The following FAAH2 variants were observed in gnomAD, a reference collection of about 807,000 sequenced individuals.
The protein encoded by FAAH2 is fatty acid amide hydrolase 2.
Under a neutral mutation model 36.9 loss-of-function variants are expected in FAAH2, and 60 were observed. The ratio of observed to expected loss-of-function variants is 1.63; its 90% confidence interval spans 1.32 to 2.02. The LOEUF is 2.02. Ranked by LOEUF, FAAH2 falls within the 30% of genes most tolerant of loss-of-function variation. The pLI, the probability that FAAH2 is intolerant of heterozygous loss-of-function variation, is 0.00. For missense variants in FAAH2, 689 were observed against 397.5 expected (o/e 1.73, Z -6.23); for synonymous variants, 214 against 143.8 (o/e 1.49, Z -3.49).
At chrX:57,473,937 A>G (rs182325059) in intron 10 of FAAH2, among the ~76,000 whole-genome samples, 286 of 111,065 alleles carry the variant, frequency 2.6e-3, no homozygotes, top group Middle Eastern at 4.6e-3. Flanking sequence ...TAGACTGCAG[A>G]TGGTTGGGTC....
At chrX:57,301,937 C>G (rs754518811) in intron 2 of FAAH2, among the ~76,000 whole-genome samples, 10 of 112,152 alleles carry the variant, frequency 8.9e-5, no homozygotes, top group Non-Finnish European at 1.5e-4. Context: ...GCAGTTTCGT[C>G]TTATGCTCTG....
chrX:57,429,307 C>T (rs767267744), intron 7 of FAAH2, among the ~76,000 whole-genome samples: 3 of 104,198 alleles, frequency 2.9e-5, no homozygotes, highest in Admixed American at 1.0e-4. Context: ...CCACTACACT[C>T]CAGCCTGGGC....
the FAAH2 span, among the ~76,000 whole-genome samples, chrX:57,170,239 T>C: frequency 2.7e-5 from 3 of 112,127 alleles, no homozygotes; most frequent in African/African-American, 9.7e-5. Flanking sequence ...TTGTTGTTGT[T>C]GTTACTGGCT....
At chrX:57,360,323 A>G (rs2054258284) in intron 5 of FAAH2, among the ~76,000 whole-genome samples, 1 of 110,306 alleles carries the variant, frequency 9.1e-6, no homozygotes, top group South Asian at 3.8e-4. Flanking sequence ...TGTCCGGTTG[A>G]TGGTGTCACA....
intron 5 of FAAH2, 33 bp downstream of exon 5, chrX:57,341,423 C>G (rs1165527109): frequency 1.7e-6 from 2 of 1,186,630 alleles, no homozygotes; most frequent in Admixed American, 4.6e-5. Context: ...GGTGGTTCTA[C>G]TTTTATAATT....
chrX:57,383,927 T>C (rs917058021), intron 7 of FAAH2, among the ~76,000 whole-genome samples: 4 of 111,651 alleles, frequency 3.6e-5, no homozygotes, highest in Non-Finnish European at 7.5e-5. Flanking sequence ...CAAACTATAC[T>C]GGAAGACTAC....
At chrX:57,435,544 C>T (rs2056392793) in intron 8 of FAAH2, among the ~76,000 whole-genome samples, 1 of 109,519 alleles carries the variant, frequency 9.1e-6, no homozygotes, top group African/African-American at 3.3e-5. Flanking sequence ...GTAGGAATAG[C>T]TTTACCTATA....
At chrX:57,323,856 T>C (rs2053120634) in intron 3 of FAAH2, among the ~76,000 whole-genome samples, 1 of 111,146 alleles carries the variant, frequency 9.0e-6, no homozygotes, top group South Asian at 3.8e-4. Flanking sequence ...TAGATCCCAT[T>C]TGTCAATTTT....
At chrX:57,213,949 T>A in the FAAH2 span, among the ~76,000 whole-genome samples, 1 of 112,014 alleles carries the variant, frequency 8.9e-6, no homozygotes, top group Non-Finnish European at 1.9e-5. Flanking sequence ...TGTATTGTTG[T>A]CTATATTTTT....
intron 5 of FAAH2, among the ~76,000 whole-genome samples, chrX:57,367,257 C>T (rs190183266): frequency 3.6e-5 from 4 of 111,917 alleles, no homozygotes; most frequent in African/African-American, 1.3e-4. Flanking sequence ...TCCATGAAGT[C>T]GAAATTATTT....
chrX:57,160,661 G>T, the FAAH2 span, among the ~76,000 whole-genome samples: 2 of 112,002 alleles, frequency 1.8e-5, no homozygotes, highest in East Asian at 5.6e-4. Flanking sequence ...ATAGTAGTTT[G>T]TATTTCTGTG....
At chrX:57,458,588 A>G (rs1295167444) in intron 10 of FAAH2, among the ~76,000 whole-genome samples, 1 of 112,205 alleles carries the variant, frequency 8.9e-6, no homozygotes, top group Admixed American at 9.4e-5. Context: ...TCCCAGTGAG[A>G]TCAACGCAGA....
chrX:57,404,565 C>T (rs1038437752), intron 7 of FAAH2, among the ~76,000 whole-genome samples: 22 of 111,484 alleles, frequency 2.0e-4, no homozygotes, highest in Non-Finnish European at 1.7e-4. Flanking sequence ...GAGTTGTATG[C>T]CTAAATTGGG....
At chrX:57,403,469 A>C (rs2055489677) in intron 7 of FAAH2, among the ~76,000 whole-genome samples, 1 of 112,776 alleles carries the variant, frequency 8.9e-6, no homozygotes, top group African/African-American at 3.2e-5. Flanking sequence ...GGCGAGTTCT[A>C]GAGCTGGGCT....
At chrX:57,412,204 A>C (rs1165824546) in intron 7 of FAAH2, among the ~76,000 whole-genome samples, 1 of 111,875 alleles carries the variant, frequency 8.9e-6, no homozygotes, top group African/African-American at 3.2e-5. Context: ...ACTAGATTTT[A>C]TTCTTTCTTT....
intron 10 of FAAH2, among the ~76,000 whole-genome samples, chrX:57,487,382 C>T (rs976975583): frequency 2.7e-5 from 3 of 110,596 alleles, no homozygotes; most frequent in Non-Finnish European, 5.7e-5. Context: ...AATTATATAA[C>T]GCCTGGGGAT....
chrX:57,236,145 T>A, the FAAH2 span, among the ~76,000 whole-genome samples: 1 of 112,201 alleles, frequency 8.9e-6, no homozygotes, highest in African/African-American at 3.2e-5. Context: ...GTCCTTTAGG[T>A]TGATCCCTTC....
Position 57,486,853 on chromosome X carries a change from C to T in FAAH2, c.1424-1904C>T, listed in dbSNP as rs1204167987. Among the ~76,000 whole-genome samples, 3 of 111,643 alleles carry T rather than the reference C, an allele frequency of 2.7e-5. No homozygotes were observed. In the Admixed American group the frequency reaches 2.9e-4, roughly 11 times the overall value. ...GTTCTGTGGCTGGAGGGGCTATCTC[C>T]CAAATTCAGGGATATTCATGAAAGT... On this transcript the variant is annotated intron_variant, in intron 10 of 10. Transcript: ENST00000374900.
the FAAH2 span, among the ~76,000 whole-genome samples, chrX:57,192,495 C>G: frequency 3.6e-5 from 4 of 111,714 alleles, no homozygotes; most frequent in South Asian, 3.7e-4. Context: ...TGTTGAGTAA[C>G]AGTGGTGAAA....
Sources: allele counts gnomAD v4.1 joint callset (sites outside exome capture counted in the v4.1 genomes callset), GRCh38; gene constraint gnomAD v4.1.1; transcripts MANE v1.5; gene names NCBI Gene and HGNC (gene_info 2026-07-23, HGNC 2026-07-21).